Variants in PPP2R3B observed in about 807,000 individuals in gnomAD.
PPP2R3B encodes the protein serine/threonine-protein phosphatase 2A regulatory subunit B'' subunit beta.
A neutral mutation model predicts 72.9 loss-of-function variants in PPP2R3B; 68 were observed. The observed-to-expected ratio is 0.93, with a 90% CI of 0.77 to 1.14. The LOEUF is 1.14. Ranked by LOEUF, PPP2R3B falls within the 50% of genes most tolerant of loss-of-function variation. PPP2R3B has a pLI of 0.00. For missense variants in PPP2R3B, 1,018 were observed against 842.0 expected (o/e 1.21, Z -2.59); for synonymous variants, 466 against 375.8 (o/e 1.24, Z -2.78).
Position 345,654 on chromosome X carries a change from C to T in PPP2R3B, c.898G>A (p.Glu300Lys), listed in dbSNP as rs1395044152. 6.2e-7 allele frequency: 1 copy of T among 1,612,796 alleles called. No homozygotes were observed. The highest frequency in any genetic ancestry group is 2.2e-5 in the East Asian group (1 of 44,784). The change falls in exon 7 of 13, where the codon GAG becomes AAG. Residue 300 changes from glutamate (E) to lysine (K), a missense_variant. By Grantham distance (56) the Glu-to-Lys change is moderately conservative. Transcript: ENST00000390665. The part of the protein sequence containing the change: ...SFLQNVALLE[E>K]EADINQLTEF... ...GTCAGCTGGTTGATGTCCGCCTCCTCCTCCAGCAGCGCCACATTCTGCCAA... is the reference window on the plus strand; with the variant it reads ...GTCAGCTGGTTGATGTCCGCCTCCTTCTCCAGCAGCGCCACATTCTGCCAA...
intron 1 of PPP2R3B, 67 bp downstream of exon 1, chrX:386,301 C>T: frequency 2.4e-6 from 3 of 1,242,108 alleles, no homozygotes; most frequent in Non-Finnish European, 3.1e-6. Context: ...CTCCATCGCG[C>T]AGCCACACGC....
At chrX:380,458 G>A (rs1470316022) in intron 1 of PPP2R3B, among the ~76,000 whole-genome samples, 7 of 152,080 alleles carry the variant, frequency 4.6e-5, no homozygotes, top group East Asian at 3.9e-4. Flanking sequence ...AAAATTCCTC[G>A]GCGTCACCAG....
chrX:383,856 A>AAAAAAAAAAAAAC (rs2072182616), intron 1 of PPP2R3B, among the ~76,000 whole-genome samples: 1 of 142,982 alleles, frequency 7.0e-6, no homozygotes, highest in Non-Finnish European at 1.6e-5. Flanking sequence ...AAAAAAAAAA[A>AAAAAAAAAAAAAC]AAAAAAAAAA....
chrX:334,453 T>G lies in PPP2R3B; in HGVS notation c.1642A>C (p.Arg548=). 6.3e-7 allele frequency: 1 copy of G among 1,596,086 alleles called. No individual in the cohort carries two copies. The highest frequency in any genetic ancestry group is 8.5e-7 in the Non-Finnish European group (1 of 1,176,286). ...LSALRSPLAQ[R]PFFEAPSPLG... is the part of the protein sequence containing the mutation. ...GGTGAGGGCGCCTCGAAGAAGGGCC[T>G]CTGGGCCAGCGGGGAGCGCAGCGCA... The change falls in exon 13 of 13, where the codon AGG becomes CGG. Residue 548 remains arginine, a synonymous_variant. Coordinates refer to ENST00000390665, the MANE Select transcript of PPP2R3B (RefSeq NM_013239.5).
In PPP2R3B at chrX:363,336, G is replaced by A. The variant is rs772690316; in HGVS notation, c.325-1746C>T. Among the ~76,000 whole-genome samples, 105 of 119,102 alleles carry A rather than the reference G, an allele frequency of 8.8e-4. 8 individuals are homozygous for A. Among genetic ancestry groups the A allele is most frequent in the African/African-American group, 3.5e-3 (102 of 28,932 alleles). The allele number at this position is 119,102 out of a possible 152,430, so 78.1% of individuals were successfully genotyped here. A position where few individuals can be genotyped will look rare whatever the true frequency, so the allele number is the denominator to read the frequency against. ...CCACCATCCCACAGTGCATCTCCCC[G>A]AGCCCACCATCCCGCAGTGCATCTC... is the stretch of plus-strand genomic sequence containing the variant. On this transcript the variant is annotated intron_variant, in intron 1 of 12. Transcript: ENST00000390665.
At chrX:382,524 G>GC (rs1265095144) in intron 1 of PPP2R3B, among the ~76,000 whole-genome samples, 1 of 146,154 alleles carries the variant, frequency 6.8e-6, no homozygotes, top group Non-Finnish European at 1.5e-5. Flanking sequence ...CCTTGGTCCT[G>GC]CCCCCTATAC....
chrX:340,547 G>T (rs866967000), intron 10 of PPP2R3B, among the ~76,000 whole-genome samples: 3 of 109,952 alleles, frequency 2.7e-5, no homozygotes, highest in Non-Finnish European at 5.4e-5. Flanking sequence ...CTCACCCTGG[G>T]CCGTCCCCCC....
Position 382,440 on chromosome X carries a change from C to T in PPP2R3B, c.324+3928G>A, listed in dbSNP as rs772166698. The stretch of plus-strand genomic sequence containing the variant: ...CTCGAACTCCTGACCTCAGGTGATC[C>T]GTCCACCTCAGCCTCCCAAAGTGCT... On this transcript the variant is annotated intron_variant, in intron 1 of 12. Transcript: ENST00000390665. 2.0e-4 allele frequency among the ~76,000 whole-genome samples: 31 copies of T among 152,114 alleles called. No individual in the cohort carries two copies. In the South Asian group the frequency reaches 4.8e-3, roughly 23 times the overall value.
At position 361,489 on chromosome X, in the gene PPP2R3B, A is replaced by C. The variant is rs1166567293; in HGVS notation, c.426T>G (p.Asp142Glu). 6.2e-7 allele frequency: 1 copy of C among 1,614,018 alleles called. No individual in the cohort carries two copies. Among genetic ancestry groups the C allele is most frequent in the South Asian group, 1.1e-5 (1 of 91,080 alleles). The change falls in exon 2 of 13, where the codon GAT (aspartate) becomes GAG (glutamate). Residue 142 changes from aspartate (D) to glutamate (E), a missense_variant. By Grantham distance (45) the Asp-to-Glu change is conservative. Transcript: ENST00000390665. ...TGCTCTCGATCTTGCTGATGACGGC[A>C]TCCACGTTGACGGAGTCCTGCGGGC... ...RGRPQDSVNV[D>E]AVISKIESTF...
At chrX:378,217 C>T (rs1274403358) in intron 1 of PPP2R3B, among the ~76,000 whole-genome samples, 1 of 152,140 alleles carries the variant, frequency 6.6e-6, no homozygotes, top group Non-Finnish European at 1.5e-5. Flanking sequence ...TCACGGCACC[C>T]GAATCTCCAC....
At chrX:367,506 T>C (rs767110435) in intron 1 of PPP2R3B, among the ~76,000 whole-genome samples, 1 of 152,234 alleles carries the variant, frequency 6.6e-6, no homozygotes, top group East Asian at 1.9e-4. Context: ...CCAGCGATTC[T>C]CCTGCCTCAG....
chrX:369,527 G>A (rs377355933), intron 1 of PPP2R3B, among the ~76,000 whole-genome samples: 4 of 152,284 alleles, frequency 2.6e-5, no homozygotes, highest in African/African-American at 9.6e-5. Context: ...CAAAAACAAA[G>A]GCTGAGCCTA....
chrX:346,041 A>G (rs866297120), intron 6 of PPP2R3B, 133 bp downstream of exon 6: 7 of 465,520 alleles, frequency 1.5e-5, no homozygotes, highest in Middle Eastern at 5.5e-4. Context: ...AGCGCGGTGG[A>G]GGTGGGGGTG....
chrX:355,585 G>A (rs2071419136), intron 2 of PPP2R3B, among the ~76,000 whole-genome samples: 1 of 152,116 alleles, frequency 6.6e-6, no homozygotes. Context: ...CGCGCACACG[G>A]AACACCACGC....
At position 338,824 on chromosome X, in the gene PPP2R3B, T is replaced by C. The variant is rs1479601807; in HGVS notation, c.1424A>G (p.Glu475Gly). 1.9e-6 allele frequency: 3 copies of C among 1,612,312 alleles called. No homozygotes were observed. The African/African-American group carries it at 4.0e-5, about 22-fold the overall frequency. ...TTTCTGCTCGTGGTCGAGGTACTTC[T>C]CGATGTTGAAGAAGGTGTCGAAGAA... ...NVFFDTFFNI[E>G]KYLDHEQKEQ... Residue 475 changes from glutamate to glycine, a missense_variant, in exon 11 of 13, where the codon GAG becomes GGG. Physicochemically the swap from Glu to Gly is moderately conservative, Grantham distance 98 (BLOSUM62 -2). Coordinates refer to ENST00000390665, the MANE Select transcript of PPP2R3B (RefSeq NM_013239.5).
chrX:346,681 C>T lies in PPP2R3B; in HGVS notation c.792+20G>A, dbSNP rs201960443. On this transcript the variant is annotated intron_variant, in intron 5 of 12. Coordinates refer to ENST00000390665, the MANE Select transcript of PPP2R3B (RefSeq NM_013239.5). The stretch of plus-strand genomic sequence containing the variant: ...CCGCGCCCCGCGCTGGAACCGACGG[C>T]CCCTCCGCTGGGGACCCACCGTGGT... 4.9e-4 allele frequency: 787 copies of T among 1,597,314 alleles called. 6 individuals are homozygous for T. The African/African-American group carries it at 9.4e-3, about 19-fold the overall frequency.
intron 1 of PPP2R3B, among the ~76,000 whole-genome samples, chrX:366,624 G>A (rs1242060685): frequency 6.2e-5 from 1 of 16,042 alleles, no homozygotes; most frequent in Non-Finnish European, 1.0e-4. Flanking sequence ...CTTCAACACA[G>A]GAGGCAGAGG....
At chrX:353,593 C>T (rs1471734130) in intron 2 of PPP2R3B, among the ~76,000 whole-genome samples, 1 of 152,262 alleles carries the variant, frequency 6.6e-6, no homozygotes, top group African/African-American at 2.4e-5. Flanking sequence ...CCAGCATCCC[C>T]CCGATGCTAA....
At chrX:361,151 T>C (rs2071529945) in intron 2 of PPP2R3B, among the ~76,000 whole-genome samples, 1 of 152,214 alleles carries the variant, frequency 6.6e-6, no homozygotes. Context: ...AGGATGAGAA[T>C]GCAGACGGAA....
Sources: gnomAD v4.1 joint callset for allele counts (sites outside exome capture counted in the v4.1 genomes callset) on GRCh38, gnomAD v4.1.1 for gene constraint, MANE v1.5 for transcripts, NCBI Gene and HGNC (gene_info 2026-07-23, HGNC 2026-07-21) for gene names.